The following KIAA1328 variants were observed in gnomAD, a reference collection of about 807,000 sequenced individuals.
The protein encoded by KIAA1328 is protein hinderin.
KIAA1328 carries 52 observed loss-of-function variants against 68.1 expected under a neutral mutation model. The ratio of observed to expected loss-of-function variants is 0.76; its 90% CI spans 0.61 to 0.96. The LOEUF (loss-of-function observed/expected upper bound fraction) is 0.96. Ranked by LOEUF, KIAA1328 falls within the 40% of genes least tolerant of loss-of-function variation. The pLI is 0.00. For missense variants in KIAA1328, 641 were observed against 677.6 expected, an observed-to-expected ratio of 0.95 and a Z score of 0.60; for synonymous variants, 232 against 239.4, an observed-to-expected ratio of 0.97 and a Z score of 0.28.
intron 5 of KIAA1328, among the ~76,000 whole-genome samples, chr18:36,903,210 T>C (rs1393024654): frequency 1.3e-5 from 2 of 152,130 alleles, no homozygotes; most frequent in African/African-American, 2.4e-5. Context: ...AACAGCTAGA[T>C]GAATAACAGT....
At chr18:37,119,790 T>G (rs73419088) in intron 7 of KIAA1328, among the ~76,000 whole-genome samples, 5,092 of 152,212 alleles carry the variant, frequency 0.033, 300 homozygotes, top group African/African-American at 0.12. Context: ...TGTGTTAATA[T>G]ACATGGTATG....
chr18:37,099,631 G>T (rs1017581574), intron 7 of KIAA1328, among the ~76,000 whole-genome samples: 6 of 152,142 alleles, frequency 3.9e-5, no homozygotes, highest in African/African-American at 7.2e-5. Flanking sequence ...GGGTATCCTT[G>T]TTAACTTTCT....
intron 7 of KIAA1328, among the ~76,000 whole-genome samples, chr18:37,126,641 G>T (rs912820378): frequency 6.6e-6 from 1 of 152,026 alleles, no homozygotes; most frequent in African/African-American, 2.4e-5. Context: ...CAAAATCAAA[G>T]ATTATAAGAA....
intron 9 of KIAA1328, among the ~76,000 whole-genome samples, chr18:37,179,208 C>T (rs2059653160): frequency 6.6e-6 from 1 of 152,204 alleles, no homozygotes; most frequent in African/African-American, 2.4e-5. Context: ...TCAGGACTTA[C>T]ATTTAAGCCT....
intron 5 of KIAA1328, chr18:36,946,558 A>G (rs1259532251): frequency 6.6e-6 from 1 of 152,218 alleles, no homozygotes; most frequent in Non-Finnish European, 1.5e-5. Flanking sequence ...ATGCTGCTCT[A>G]GTGGTTCTAA....
chr18:36,834,172 T>C, intron 1 of KIAA1328, 148 bp from the exon 2 acceptor site: 1 of 1,175,946 alleles, frequency 8.5e-7, no homozygotes. Flanking sequence ...TTTAATTCAA[T>C]TACTTTGCTT....
intron 9 of KIAA1328, among the ~76,000 whole-genome samples, chr18:37,187,446 G>A (rs1255231374): frequency 6.6e-6 from 1 of 152,122 alleles, no homozygotes; most frequent in Non-Finnish European, 1.5e-5. Context: ...CCAAATATCT[G>A]CATAGCAAGA....
At chr18:37,174,108 A>G (rs1380904632) in intron 9 of KIAA1328, among the ~76,000 whole-genome samples, 4 of 152,174 alleles carry the variant, frequency 2.6e-5, no homozygotes, top group African/African-American at 9.7e-5. Context: ...CAAGCCCTTT[A>G]TATGCATTGT....
chr18:36,868,439 T>C (rs979064413), intron 4 of KIAA1328, among the ~76,000 whole-genome samples: 2 of 152,196 alleles, frequency 1.3e-5, no homozygotes, highest in Admixed American at 6.5e-5. Context: ...AGTGTCATTT[T>C]TGAAGACTTG....
chr18:36,848,541 CTTTTTTTTTT>C (rs59271370), intron 4 of KIAA1328, among the ~76,000 whole-genome samples: 1 of 38,144 alleles, frequency 2.6e-5, no homozygotes, highest in Non-Finnish European at 4.6e-5. Context: ...TCTATAGATG[CTTTTTTTTTT>C]TTTTTTTTTT....
chr18:37,175,949 C>T (rs567787112), intron 9 of KIAA1328, among the ~76,000 whole-genome samples: 1 of 152,244 alleles, frequency 6.6e-6, no homozygotes, highest in South Asian at 2.1e-4. Flanking sequence ...AGAAGAGTTC[C>T]ATTTCATTCC....
Position 36,835,279 on chromosome 18 carries a change from G to A in KIAA1328, c.140G>A (p.Ser47Asn). ...GNVRSRHKLM[S>N]PKADVKLKTS... is the part of the protein sequence containing the mutation. ...GTCAGATCAAGACACAAGCTGATGA[G>A]TCCAAAAGCTGATGTTAAACTTAAG... Residue 47 changes from serine to asparagine, a missense_variant, in exon 3 of 10, where the codon AGT (serine) becomes AAT (asparagine). Ser to Asn is a conservative substitution (Grantham distance 46). Coordinates refer to ENST00000280020, the MANE Select transcript of KIAA1328 (RefSeq NM_020776.3). 1.2e-6 allele frequency: 2 copies of A among 1,613,582 alleles called. No homozygotes were observed. The highest frequency in any genetic ancestry group is 2.2e-5 in the East Asian group (1 of 44,840).
At position 37,223,364 on chromosome 18, in the gene KIAA1328, C is replaced by CTGTCTGCT. The variant is rs1459340487; in HGVS notation, c.*1138_*1145dup. On this transcript the variant is annotated 3_prime_UTR_variant, in exon 10 of 10. Coordinates refer to ENST00000280020, the MANE Select transcript of KIAA1328 (RefSeq NM_020776.3). The stretch of plus-strand genomic sequence containing the variant: ...GAAGTTATGCAGTGCAGACCTCATC[C>CTGTCTGCT]TGTCTGCTGTCTTTTCTCCCACAGA... The CTGTCTGCT allele has an allele frequency of 1.0e-6, 1 of 985,244 alleles. No homozygotes were observed. The highest frequency in any genetic ancestry group is 1.7e-5 in the African/African-American group (1 of 57,200). 61.0% of individuals were successfully genotyped at this position (985,244 alleles called of 1,614,324 possible).
intron 6 of KIAA1328, among the ~76,000 whole-genome samples, chr18:37,037,114 C>T (rs2055057279): frequency 6.6e-6 from 1 of 151,626 alleles, no homozygotes; most frequent in African/African-American, 2.4e-5. Flanking sequence ...CTGTTTTCTA[C>T]AAACTGTACT....
At chr18:36,930,468 C>T (rs1331364589) in intron 5 of KIAA1328, among the ~76,000 whole-genome samples, 1 of 152,124 alleles carries the variant, frequency 6.6e-6, no homozygotes, top group African/African-American at 2.4e-5. Context: ...GGCCTCCCTT[C>T]TTATGACATA....
chr18:36,944,451 C>G (rs951992583), intron 5 of KIAA1328, among the ~76,000 whole-genome samples: 3 of 152,074 alleles, frequency 2.0e-5, no homozygotes, highest in Non-Finnish European at 2.9e-5. Flanking sequence ...TGGTGGCGGG[C>G]GCCTCTGTTC....
intron 7 of KIAA1328, among the ~76,000 whole-genome samples, chr18:37,083,498 A>T (rs1407029416): frequency 6.6e-6 from 1 of 152,240 alleles, no homozygotes; most frequent in African/African-American, 2.4e-5. Flanking sequence ...CACATATTTG[A>T]TACCAGTGAT....
intron 6 of KIAA1328, among the ~76,000 whole-genome samples, chr18:37,053,142 GACAC>G (rs1229716660): frequency 1.3e-5 from 2 of 152,050 alleles, no homozygotes; most frequent in African/African-American, 4.8e-5. Flanking sequence ...TACAAAAATA[GACAC>G]ACAGACCAAT....
chr18:37,176,526 C>T (rs369262284), intron 9 of KIAA1328, among the ~76,000 whole-genome samples: 2 of 152,162 alleles, frequency 1.3e-5, no homozygotes, highest in Admixed American at 6.5e-5. Flanking sequence ...CCCTAAGCTG[C>T]GTAAGAGAAT....
Sources: allele counts gnomAD v4.1 joint callset (sites outside exome capture counted in the v4.1 genomes callset), GRCh38; gene constraint gnomAD v4.1.1; transcripts MANE v1.5; gene names NCBI Gene and HGNC (gene_info 2026-07-23, HGNC 2026-07-21).